Variants in CACNA1E observed in about 807,000 individuals in gnomAD.
CACNA1E encodes the protein calcium voltage-gated channel subunit alpha1 E.
Under a neutral mutation model 259.2 loss-of-function variants are expected in CACNA1E, and 40 were observed. That is an observed-to-expected ratio of 0.15 (90% CI 0.12 to 0.20). The LOEUF is 0.20. CACNA1E is among the 10% of genes least tolerant of loss of function. The probability of loss-of-function intolerance (pLI) is 1.00; values close to 1 mark genes in which losing one functional copy is unlikely to be tolerated. For synonymous variants in CACNA1E, 1,104 were observed against 1,138.5 expected (o/e 0.97, Z 0.61); for missense variants, 1,874 against 3,040.1 (o/e 0.62, Z 9.02).
chr1:181,342,385 C>T (rs1428084159), intron 1 of CACNA1E, among the ~76,000 whole-genome samples: 1 of 151,950 alleles, frequency 6.6e-6, no homozygotes, highest in Non-Finnish European at 1.5e-5. Context: ...CACCAAGAGA[C>T]ATATCAAACT....
intron 3 of CACNA1E, among the ~76,000 whole-genome samples, chr1:181,575,033 A>G (rs1650825306): frequency 6.6e-6 from 1 of 152,004 alleles, no homozygotes; most frequent in South Asian, 2.1e-4. Context: ...TCAAAAAAAA[A>G]AAAAGAATCC....
chr1:181,570,177 T>TA (rs397700677), intron 3 of CACNA1E, among the ~76,000 whole-genome samples: 38 of 151,868 alleles, frequency 2.5e-4, no homozygotes, highest in Non-Finnish European at 4.3e-4. Context: ...TTTTTTTTTT[T>TA]AAAGTTCTTC....
chr1:181,425,704 C>T (rs1404960997), intron 2 of CACNA1E, among the ~76,000 whole-genome samples: 2 of 152,112 alleles, frequency 1.3e-5, no homozygotes, highest in Middle Eastern at 3.2e-3. Flanking sequence ...CTCAGCCGCT[C>T]ATACCCCAGC....
At chr1:181,333,746 C>T (rs1651467622) in intron 1 of CACNA1E, among the ~76,000 whole-genome samples, 1 of 152,116 alleles carries the variant, frequency 6.6e-6, no homozygotes, top group Non-Finnish European at 1.5e-5. Context: ...ACCTCTGCCT[C>T]CCAGGCTCAA....
intron 7 of CACNA1E, among the ~76,000 whole-genome samples, chr1:181,685,263 G>A (rs114681495): frequency 0.021 from 1,538 of 73,520 alleles, 29 homozygotes; most frequent in African/African-American, 0.066. Context: ...ACGGAATTAA[G>A]TTTTTAAATG....
intron 1 of CACNA1E, among the ~76,000 whole-genome samples, chr1:181,393,002 T>C (rs1326304162): frequency 6.6e-6 from 1 of 152,198 alleles, no homozygotes; most frequent in Non-Finnish European, 1.5e-5. Flanking sequence ...AAGGAGTTAA[T>C]TGCAGATATC....
intron 3 of CACNA1E, among the ~76,000 whole-genome samples, chr1:181,533,936 T>TA (rs1198993984): frequency 6.6e-6 from 1 of 152,258 alleles, no homozygotes; most frequent in East Asian, 1.9e-4. Flanking sequence ...GTTTGTTAGT[T>TA]AAAATCATGT....
intron 7 of CACNA1E, among the ~76,000 whole-genome samples, chr1:181,663,479 T>A (rs527394441): frequency 6.6e-6 from 1 of 152,338 alleles, no homozygotes; most frequent in South Asian, 2.1e-4. Context: ...TTCCATGTAT[T>A]TGGATCGCTC....
chr1:181,584,615 A>G (rs1651871726), intron 6 of CACNA1E, among the ~76,000 whole-genome samples: 1 of 152,204 alleles, frequency 6.6e-6, no homozygotes, highest in Non-Finnish European at 1.5e-5. Context: ...ATGTTCCTCT[A>G]TGAGCATGGT....
At chr1:181,709,653 C>T (rs965254641) in intron 7 of CACNA1E, among the ~76,000 whole-genome samples, 16 of 151,810 alleles carry the variant, frequency 1.1e-4, no homozygotes, top group Non-Finnish European at 2.1e-4. Context: ...TTTTTTTAAA[C>T]GTCTTGCTCT....
intron 1 of CACNA1E, among the ~76,000 whole-genome samples, chr1:181,371,460 A>G (rs1302937193): frequency 6.6e-6 from 1 of 152,078 alleles, no homozygotes; most frequent in African/African-American, 2.4e-5. Flanking sequence ...TTCTTAGTAG[A>G]GACAAGGTCT....
chr1:181,791,160 G>GAGTT (rs1482943377), intron 44 of CACNA1E, among the ~76,000 whole-genome samples: 2 of 152,210 alleles, frequency 1.3e-5, no homozygotes, highest in African/African-American at 4.8e-5. Flanking sequence ...ACCCCAAAAT[G>GAGTT]AGTTTATTAG....
intron 1 of CACNA1E, among the ~76,000 whole-genome samples, chr1:181,489,654 ACT>A (rs1664145063): frequency 6.6e-6 from 1 of 152,134 alleles, no homozygotes; most frequent in Non-Finnish European, 1.5e-5. Flanking sequence ...GGTACGTGTC[ACT>A]CTGAATCCTC....
intron 35 of CACNA1E, among the ~76,000 whole-genome samples, chr1:181,768,315 G>A (rs570084168): frequency 1.3e-5 from 2 of 152,230 alleles, no homozygotes; most frequent in African/African-American, 2.4e-5. Context: ...AGTGAGGGGG[G>A]AGAAAGGGAG....
At chr1:181,389,267 A>G (rs934535192) in intron 1 of CACNA1E, among the ~76,000 whole-genome samples, 7 of 152,218 alleles carry the variant, frequency 4.6e-5, no homozygotes, top group African/African-American at 1.7e-4. Context: ...CATCATCAAC[A>G]GAAGGTGCAA....
At chr1:181,707,732 C>T (rs1652930589) in intron 7 of CACNA1E, among the ~76,000 whole-genome samples, 1 of 152,056 alleles carries the variant, frequency 6.6e-6, no homozygotes, top group African/African-American at 2.4e-5. Context: ...TTTTAAGCCT[C>T]TGGGAGTCAG....
intron 1 of CACNA1E, among the ~76,000 whole-genome samples, chr1:181,412,525 G>A (rs1336419947): frequency 6.6e-6 from 1 of 151,984 alleles, no homozygotes; most frequent in Non-Finnish European, 1.5e-5. Context: ...AGCCGTGATT[G>A]CACCATTGCA....
chr1:181,622,746 C>A (rs1299373274), intron 6 of CACNA1E, among the ~76,000 whole-genome samples: 1 of 152,142 alleles, frequency 6.6e-6, no homozygotes, highest in African/African-American at 2.4e-5. Context: ...CCTGGGGAAG[C>A]TCTTCCCACT....
At chr1:181,404,544 A>G (rs928897099) in intron 1 of CACNA1E, among the ~76,000 whole-genome samples, 3 of 152,250 alleles carry the variant, frequency 2.0e-5, no homozygotes, top group African/African-American at 7.2e-5. Flanking sequence ...ACCAGAAAGA[A>G]AAAGCATAAA....
Sources: allele counts gnomAD v4.1 joint callset (sites outside exome capture counted in the v4.1 genomes callset), GRCh38; gene constraint gnomAD v4.1.1; transcripts MANE v1.5; gene names NCBI Gene and HGNC (gene_info 2026-07-23, HGNC 2026-07-21).